The following CSMD2 variants were observed in gnomAD, a reference collection of about 807,000 sequenced individuals.
CSMD2 encodes CUB and sushi domain-containing protein 2.
CSMD2 carries 130 observed loss-of-function variants against 398.5 expected under a neutral mutation model. The ratio of observed to expected loss-of-function variants is 0.33; its 90% CI spans 0.28 to 0.38. CSMD2 has a LOEUF of 0.38. Ranked by LOEUF, CSMD2 falls within the 10% of genes least tolerant of loss-of-function variation. The pLI is 1.00. For missense variants in CSMD2, 3,829 were observed against 4,764.9 expected (o/e 0.80, Z 5.78); for synonymous variants, 1,828 against 1,908.5 (o/e 0.96, Z 1.10).
chr1:34,062,182 T>C (rs995608726), intron 2 of CSMD2, among the ~76,000 whole-genome samples: 1 of 152,224 alleles, frequency 6.6e-6, no homozygotes, highest in African/African-American at 2.4e-5. Context: ...CCCTTGACCT[T>C]GCTGGGACCC....
chr1:33,675,674 A>G (rs1169505604), intron 25 of CSMD2, among the ~76,000 whole-genome samples: 1 of 152,234 alleles, frequency 6.6e-6, no homozygotes, highest in African/African-American at 2.4e-5. Context: ...ATTTTAGACC[A>G]ATATCCTTGA....
chr1:33,877,933 G>A (rs1178070470), intron 5 of CSMD2, among the ~76,000 whole-genome samples: 2 of 152,086 alleles, frequency 1.3e-5, no homozygotes, highest in Non-Finnish European at 2.9e-5. Flanking sequence ...TGGACAAGGA[G>A]TGGAGACACT....
intron 29 of CSMD2, among the ~76,000 whole-genome samples, chr1:33,644,074 C>G (rs1022019333): frequency 3.3e-5 from 5 of 152,188 alleles, no homozygotes; most frequent in Non-Finnish European, 5.9e-5. Context: ...GGATGTGCCT[C>G]TCTTCTCCCC....
At chr1:34,121,897 G>T (rs1328925773) in intron 1 of CSMD2, among the ~76,000 whole-genome samples, 1 of 151,856 alleles carries the variant, frequency 6.6e-6, no homozygotes. Context: ...GCTGCTGAGC[G>T]TCTGCTGAGA....
chr1:34,009,408 T>C (rs1408114331), intron 3 of CSMD2, among the ~76,000 whole-genome samples: 1 of 151,908 alleles, frequency 6.6e-6, no homozygotes, highest in African/African-American at 2.4e-5. Flanking sequence ...CAGGGTAGCA[T>C]CTGAGAGCTG....
rs1257556962 is a variant in CSMD2 at position 33,515,283 on chromosome 1, C to CCAG, written c.*1338_*1340dup. ...TCAGCGGCTGCTGGGAGCCAAGGAG[C>CCAG]CAGCACCAACCGTGGGAGGCCTGGG... is the stretch of plus-strand genomic sequence containing the variant. On this transcript the variant is annotated 3_prime_UTR_variant, in exon 71 of 71. Transcript: ENST00000373381. 2 of 152,246 alleles carry CCAG rather than the reference C, an allele frequency of 1.3e-5. No individual in the cohort carries two copies. The highest frequency in any genetic ancestry group is 2.9e-5 in the Non-Finnish European group (2 of 68,054). 9.4% of individuals were successfully genotyped at this position (152,246 alleles called of 1,614,324 possible).
intron 33 of CSMD2, among the ~76,000 whole-genome samples, chr1:33,626,082 G>A (rs146396696): frequency 3.3e-5 from 5 of 152,324 alleles, no homozygotes; most frequent in Non-Finnish European, 7.3e-5. Context: ...GATTCAAATC[G>A]ATGTCCACGG....
chr1:33,910,621 G>A (rs1643399721), intron 5 of CSMD2, among the ~76,000 whole-genome samples: 1 of 152,172 alleles, frequency 6.6e-6, no homozygotes, highest in African/African-American at 2.4e-5. Context: ...CATGACTCAG[G>A]CTGGTCCACC....
intron 9 of CSMD2, chr1:33,815,413 G>A (rs186022125): frequency 6.6e-6 from 1 of 152,258 alleles, no homozygotes; most frequent in East Asian, 1.9e-4. Flanking sequence ...CTAGGAAAGG[G>A]TACATGGGAG....
At chr1:33,541,039 C>A (rs1656283329) in intron 59 of CSMD2, 91 bp downstream of exon 59, 1 of 1,342,200 alleles carries the variant, frequency 7.5e-7, no homozygotes, top group South Asian at 1.3e-5. Flanking sequence ...TGGCCTTTCA[C>A]CCCTCTCCCT....
rs577922906 is a variant in CSMD2, at chr1:33,855,254, C to T, written c.921-8258G>A. ...CCTTCCCTCAACCCACAGCTCCTGACAGGGGTAGCCATGTACATCATATGA... is the reference window on the plus strand; with the variant it reads ...CCTTCCCTCAACCCACAGCTCCTGATAGGGGTAGCCATGTACATCATATGA... On this transcript the variant is annotated intron_variant, in intron 5 of 70. Transcript: ENST00000373381. 3.3e-5 allele frequency among the ~76,000 whole-genome samples: 5 copies of T among 152,286 alleles called. No homozygotes were observed. In the South Asian group the frequency reaches 8.3e-4, roughly 25 times the overall value.
intron 2 of CSMD2, among the ~76,000 whole-genome samples, chr1:34,074,792 T>C (rs759142629): frequency 1.2e-4 from 18 of 152,166 alleles, no homozygotes; most frequent in Admixed American, 2.6e-4. Context: ...TCTGAGCAGG[T>C]ATCACAGGAG....
rs1165953065 is a variant in CSMD2 at position 33,554,646 on chromosome 1, T to G, written c.8743+3088A>C. On this transcript the variant is annotated intron_variant, in intron 55 of 70. Transcript: ENST00000373381. ...AATGCTCATTTACCCATTCTGAAAA[T>G]CCTAGGGCCCTTAAGAATTATTCCA... Among the ~76,000 whole-genome samples the G allele has an allele frequency of 1.1e-4, 16 of 152,228 alleles. No homozygotes were observed. The East Asian group carries it at 3.1e-3, about 29-fold the overall frequency.
intron 1 of CSMD2, among the ~76,000 whole-genome samples, chr1:34,128,057 C>T (rs1662927518): frequency 1.3e-5 from 2 of 152,146 alleles, no homozygotes; most frequent in African/African-American, 4.8e-5. Flanking sequence ...GTGGCCTCTT[C>T]CTCCACCTTC....
At chr1:33,536,075 G>C (rs1264035940) in intron 62 of CSMD2, among the ~76,000 whole-genome samples, 1 of 152,156 alleles carries the variant, frequency 6.6e-6, no homozygotes, top group Non-Finnish European at 1.5e-5. Context: ...CCATAAGCAT[G>C]TGCCGAGTGA....
At chr1:34,063,619 G>A (rs762808357) in intron 2 of CSMD2, among the ~76,000 whole-genome samples, 1 of 152,194 alleles carries the variant, frequency 6.6e-6, no homozygotes, top group Non-Finnish European at 1.5e-5. Flanking sequence ...GGCTTTGCAG[G>A]GTATAGCCCC....
At chr1:33,852,391 A>G (rs990332368) in intron 5 of CSMD2, among the ~76,000 whole-genome samples, 1 of 152,182 alleles carries the variant, frequency 6.6e-6, no homozygotes, top group African/African-American at 2.4e-5. Context: ...TTCCTCTTCA[A>G]TGACACACAC....
intron 48 of CSMD2, among the ~76,000 whole-genome samples, chr1:33,579,220 A>T (rs887745632): frequency 3.3e-5 from 5 of 152,200 alleles, no homozygotes; most frequent in African/African-American, 1.2e-4. Flanking sequence ...CCAAACTGCT[A>T]TATTTCCTGT....
intron 1 of CSMD2, among the ~76,000 whole-genome samples, chr1:34,092,886 C>T (rs189010953): frequency 8.6e-5 from 13 of 150,886 alleles, no homozygotes; most frequent in Non-Finnish European, 1.2e-4. Flanking sequence ...CCGGAAAGCT[C>T]GAACTGGGTG....
Sources: allele counts gnomAD v4.1 joint callset (sites outside exome capture counted in the v4.1 genomes callset), GRCh38; gene constraint gnomAD v4.1.1; transcripts MANE v1.5; gene names NCBI Gene and HGNC (gene_info 2026-07-23, HGNC 2026-07-21).